IL19: variants seen among roughly 807,000 people sequenced by gnomAD.
IL19 encodes interleukin-19.
In IL19, 15 loss-of-function variants were observed where a neutral mutation model predicts 19.5. That is an observed-to-expected ratio of 0.77 (90% CI 0.52 to 1.19). IL19 has a LOEUF of 1.19. Ranked by LOEUF, IL19 falls within the 50% of genes most tolerant of loss-of-function variation. IL19 has a pLI of 0.00. For synonymous variants in IL19, 78 were observed against 78.3 expected (o/e 1.00, Z 0.02); for missense variants, 199 against 213.1 (o/e 0.93, Z 0.41).
intron 1 of IL19, among the ~76,000 whole-genome samples, chr1:206,791,301 GTTTT>G (rs11297961): frequency 2.3e-5 from 3 of 131,736 alleles, no homozygotes; most frequent in African/African-American, 2.8e-5. Flanking sequence ...AGGTCCTTAG[GTTTT>G]TTTTTTTTTT....
intron 2 of IL19, among the ~76,000 whole-genome samples, chr1:206,830,354 A>C (rs1246989192): frequency 6.6e-6 from 1 of 152,200 alleles, no homozygotes; most frequent in African/African-American, 2.4e-5. Context: ...AGAGAGAGAA[A>C]AGATAAAAAA....
chr1:206,795,577 A>G (rs967301938), intron 1 of IL19, among the ~76,000 whole-genome samples: 9 of 152,172 alleles, frequency 5.9e-5, no homozygotes, highest in African/African-American at 1.9e-4. Context: ...AGAATGCTGG[A>G]GTTGGAAGGA....
At chr1:206,784,870 A>G (rs973704746) in intron 1 of IL19, among the ~76,000 whole-genome samples, 1 of 152,266 alleles carries the variant, frequency 6.6e-6, no homozygotes, top group African/African-American at 2.4e-5. Context: ...ACGCAGGCCT[A>G]TGCCGAGGAG....
At chr1:206,821,778 C>T (rs768702839) in intron 2 of IL19, among the ~76,000 whole-genome samples, 6 of 152,170 alleles carry the variant, frequency 3.9e-5, no homozygotes, top group South Asian at 2.1e-4. Context: ...TCTGGTATGC[C>T]GCCACCCTGG....
At chr1:206,829,680 T>G (rs1468204250) in intron 2 of IL19, among the ~76,000 whole-genome samples, 3 of 152,068 alleles carry the variant, frequency 2.0e-5, no homozygotes, top group Non-Finnish European at 1.5e-5. Flanking sequence ...TTTTAAAAAG[T>G]CCACCTACCT....
chr1:206,838,785 C>T (rs1352881372), intron 4 of IL19, among the ~76,000 whole-genome samples: 19 of 139,280 alleles, frequency 1.4e-4, no homozygotes, highest in African/African-American at 5.3e-4. Context: ...CCTTCCCTTC[C>T]CTTCCCTTCC....
At chr1:206,808,030 T>C (rs911691424) in intron 2 of IL19, among the ~76,000 whole-genome samples, 8 of 152,226 alleles carry the variant, frequency 5.3e-5, no homozygotes, top group Admixed American at 5.2e-4. Context: ...CCTAATTTGG[T>C]GCCATAAAAA....
At chr1:206,831,306 C>T (rs1676603224) in intron 2 of IL19, among the ~76,000 whole-genome samples, 1 of 152,220 alleles carries the variant, frequency 6.6e-6, no homozygotes, top group South Asian at 2.1e-4. Flanking sequence ...CACATTCTTT[C>T]TGCTTCCCTA....
At chr1:206,781,414 C>CAAAAAAA (rs57060549) in intron 1 of IL19, among the ~76,000 whole-genome samples, 2 of 43,012 alleles carry the variant, frequency 4.6e-5, no homozygotes, top group African/African-American at 9.0e-5. Context: ...GACTCTGTCT[C>CAAAAAAA]AAAAAAAAAA....
At chr1:206,773,103 C>T (rs1674901197) in intron 1 of IL19, among the ~76,000 whole-genome samples, 1 of 152,136 alleles carries the variant, frequency 6.6e-6, no homozygotes, top group Non-Finnish European at 1.5e-5. Context: ...TCCTTTACCC[C>T]GATTTCATTA....
In IL19 at chr1:206,790,087, C is replaced by G. The variant is rs544950692; in HGVS notation, c.-148-8774C>G. The stretch of plus-strand genomic sequence containing the variant: ...ATTGCAGGATTGAGTGGTAAATGTG[C>G]TTTTAGTTTTTTGAAAAATCTCCAT... On this transcript the variant is annotated intron_variant, in intron 1 of 6. Transcript: ENST00000659997. 2.6e-5 allele frequency among the ~76,000 whole-genome samples: 4 copies of G among 152,192 alleles called. No homozygotes were observed. In the East Asian group the frequency reaches 7.7e-4, roughly 29 times the overall value.
intron 2 of IL19, among the ~76,000 whole-genome samples, chr1:206,819,189 T>A (rs1019386333): frequency 1.3e-5 from 2 of 152,140 alleles, no homozygotes; most frequent in Non-Finnish European, 2.9e-5. Context: ...AATCCTCCTG[T>A]CTCAGAGTTT....
chr1:206,786,512 C>CTTCT (rs1421057033), intron 1 of IL19, among the ~76,000 whole-genome samples: 1 of 152,152 alleles, frequency 6.6e-6, no homozygotes. Context: ...GAAGCAGGAG[C>CTTCT]TTCTGGTCAC....
chr1:206,830,825 C>T (rs1467646480), intron 2 of IL19, among the ~76,000 whole-genome samples: 1 of 152,200 alleles, frequency 6.6e-6, no homozygotes, highest in Non-Finnish European at 1.5e-5. Flanking sequence ...GATCCGCCCG[C>T]CTTGGCCTCC....
intron 2 of IL19, among the ~76,000 whole-genome samples, chr1:206,828,364 T>C (rs1028181): frequency 0.78 from 117,983 of 152,206 alleles, 46,272 homozygotes; most frequent in African/African-American, 0.82. Flanking sequence ...CTCCTTATAG[T>C]TTCTTATAAG....
In IL19 at chr1:206,839,847, TA is replaced by T; in HGVS notation, c.211-2del. On this transcript the variant is annotated splice_acceptor_variant, in intron 4 of 6. Transcript: ENST00000659997. LOFTEE classifies it high-confidence loss of function. ...CTAGTGTTTCCCTAATTTGTGTTTG[TA>T]GCCCTTAGATGTGTGCTGCGTGACC... 1 of 1,607,812 alleles carries T rather than the reference TA, an allele frequency of 6.2e-7. No homozygotes were observed. Among genetic ancestry groups the T allele is most frequent in the Non-Finnish European group, 8.5e-7 (1 of 1,176,522 alleles).
At chr1:206,803,232 GT>G (rs1339557893) in intron 2 of IL19, among the ~76,000 whole-genome samples, 1 of 152,168 alleles carries the variant, frequency 6.6e-6, no homozygotes, top group Non-Finnish European at 1.5e-5. Flanking sequence ...GGCTTTCGCT[GT>G]TGCTGCTGAG....
At chr1:206,815,372 T>C (rs1676129471) in intron 2 of IL19, among the ~76,000 whole-genome samples, 1 of 152,178 alleles carries the variant, frequency 6.6e-6, no homozygotes, top group Non-Finnish European at 1.5e-5. Context: ...CAAATAATTT[T>C]GGTACCATGT....
At chr1:206,772,462 G>A (rs1384139636) in intron 1 of IL19, 5 of 1,612,690 alleles carry the variant, frequency 3.1e-6, no homozygotes, top group Non-Finnish European at 4.2e-6. Flanking sequence ...CTGTCTTGTG[G>A]TTTGGTTTTG....
Sources: allele counts gnomAD v4.1 joint callset (sites outside exome capture counted in the v4.1 genomes callset), GRCh38; gene constraint gnomAD v4.1.1; transcripts MANE v1.5; gene names NCBI Gene and HGNC (gene_info 2026-07-23, HGNC 2026-07-21).